Variants in FHIP1A observed in about 807,000 individuals in gnomAD.
FHIP1A encodes the protein FHF complex subunit HOOK-interacting protein 1A.
FHIP1A carries 61 observed loss-of-function variants against 88.6 expected under a neutral mutation model. That is an observed-to-expected ratio of 0.69 (90% CI 0.56 to 0.85). The LOEUF (loss-of-function observed/expected upper bound fraction) is 0.85. Among genes scored for constraint, FHIP1A ranks in the 40% least tolerant of loss-of-function variants. FHIP1A has a pLI of 0.00. For missense variants in FHIP1A, 1,154 were observed against 1,273.5 expected, an observed-to-expected ratio of 0.91 and a Z score of 1.43; for synonymous variants, 478 against 496.0, an observed-to-expected ratio of 0.96 and a Z score of 0.48.
chr4:151,587,092 A>G (rs1409261203), intron 6 of FHIP1A, among the ~76,000 whole-genome samples: 1 of 135,286 alleles, frequency 7.4e-6, no homozygotes, highest in Non-Finnish European at 1.7e-5. Flanking sequence ...GACTCATTAA[A>G]TAGATTATTT....
At chr4:151,510,530 TCTTA>T (rs1334518735) in intron 3 of FHIP1A, among the ~76,000 whole-genome samples, 1 of 152,228 alleles carries the variant, frequency 6.6e-6, no homozygotes, top group African/African-American at 2.4e-5. Flanking sequence ...AATGTTAACC[TCTTA>T]CTTAACCTGT....
chr4:151,475,994 C>T lies in FHIP1A; in HGVS notation c.-247-6530C>T, dbSNP rs1202180584. ...CTCCTGCCTTAGCCTCCTGAGTAGC[C>T]GGGACTACAGGTGCCCACCATCGCA... On this transcript the variant is annotated intron_variant, in intron 2 of 13. Coordinates refer to ENST00000435205, the MANE Select transcript of FHIP1A (RefSeq NM_001109977.3). 5.3e-5 allele frequency among the ~76,000 whole-genome samples: 8 copies of T among 149,786 alleles called. 1 individual carries two copies. The highest frequency in any genetic ancestry group is 2.0e-4 in the East Asian group (1 of 5,024).
chr4:151,496,069 G>A (rs1730449725), intron 3 of FHIP1A, among the ~76,000 whole-genome samples: 1 of 151,916 alleles, frequency 6.6e-6, no homozygotes, highest in Non-Finnish European at 1.5e-5. Context: ...TAATATTGAT[G>A]TTTTAATCAA....
rs1456672242 is a variant in FHIP1A at position 151,647,045 on chromosome 4, C to T, written c.1417+297C>T. On this transcript the variant is annotated intron_variant, in intron 10 of 13. Coordinates refer to ENST00000435205, the MANE Select transcript of FHIP1A (RefSeq NM_001109977.3). ...TGCTAGCATGTCTTCGGAAACAAGACGGGGGTGAGAGGTGTGGAGATGGCT... is the reference window on the plus strand; with the variant it reads ...TGCTAGCATGTCTTCGGAAACAAGATGGGGGTGAGAGGTGTGGAGATGGCT... Among the ~76,000 whole-genome samples, 9 of 152,058 alleles carry T rather than the reference C, an allele frequency of 5.9e-5. No homozygotes were observed. In the East Asian group the frequency reaches 1.2e-3, roughly 20 times the overall value.
At chr4:151,446,286 T>C (rs1318726501) in intron 1 of FHIP1A, among the ~76,000 whole-genome samples, 1 of 152,184 alleles carries the variant, frequency 6.6e-6, no homozygotes, top group African/African-American at 2.4e-5. Flanking sequence ...AACTTTCATT[T>C]TTAAGGATTT....
chr4:151,501,341 C>A (rs1730641853), intron 3 of FHIP1A, among the ~76,000 whole-genome samples: 1 of 152,136 alleles, frequency 6.6e-6, no homozygotes, highest in Admixed American at 6.5e-5. Flanking sequence ...GAGGAACCAC[C>A]AGACTTTTTC....
At chr4:151,520,127 G>T (rs993725610) in intron 3 of FHIP1A, among the ~76,000 whole-genome samples, 4 of 151,966 alleles carry the variant, frequency 2.6e-5, no homozygotes, top group Admixed American at 2.0e-4. Flanking sequence ...ATTGCTTTCT[G>T]TGGCCTGTTG....
chr4:151,602,540 GC>G (rs1207650126), intron 7 of FHIP1A, among the ~76,000 whole-genome samples: 2 of 152,172 alleles, frequency 1.3e-5, no homozygotes, highest in Non-Finnish European at 2.9e-5. Flanking sequence ...GTGACATTGT[GC>G]CGAACCTTGA....
intron 4 of FHIP1A, among the ~76,000 whole-genome samples, chr4:151,570,056 A>G (rs1733539890): frequency 2.0e-5 from 3 of 152,192 alleles, no homozygotes; most frequent in African/African-American, 7.2e-5. Flanking sequence ...TCTCAAACCC[A>G]GATCTGTCTG....
At chr4:151,657,678 C>T (rs1416151969) in intron 13 of FHIP1A, among the ~76,000 whole-genome samples, 1 of 152,222 alleles carries the variant, frequency 6.6e-6, no homozygotes, top group Admixed American at 6.5e-5. Flanking sequence ...TACTTTTCCA[C>T]ACACAGACCA....
intron 3 of FHIP1A, among the ~76,000 whole-genome samples, chr4:151,526,112 T>G (rs921404859): frequency 2.0e-5 from 3 of 152,218 alleles, no homozygotes; most frequent in African/African-American, 7.2e-5. Context: ...GGCAGAAGAA[T>G]TTTTCATAGT....
chr4:151,657,736 A>G (rs183815338), intron 13 of FHIP1A, among the ~76,000 whole-genome samples: 13 of 152,338 alleles, frequency 8.5e-5, no homozygotes, highest in African/African-American at 2.9e-4. Context: ...TAAGGCTCTC[A>G]GTCCTGGGCC....
chr4:151,653,155 G>T (rs572814096), intron 11 of FHIP1A, among the ~76,000 whole-genome samples: 1 of 152,234 alleles, frequency 6.6e-6, no homozygotes, highest in African/African-American at 2.4e-5. Context: ...GTACATACAG[G>T]GATGTTCATT....
chr4:151,553,486 C>CTT (rs1732824853), intron 3 of FHIP1A, among the ~76,000 whole-genome samples: 1 of 152,094 alleles, frequency 6.6e-6, no homozygotes, highest in Non-Finnish European at 1.5e-5. Context: ...AATTGAGATA[C>CTT]TTTAAGTGAT....
At chr4:151,521,611 G>A (rs1307215847) in intron 3 of FHIP1A, among the ~76,000 whole-genome samples, 4 of 152,040 alleles carry the variant, frequency 2.6e-5, no homozygotes, top group African/African-American at 4.8e-5. Context: ...TGGGTTATTC[G>A]GACTGTTATA....
At chr4:151,514,167 C>T (rs1407071461) in intron 3 of FHIP1A, among the ~76,000 whole-genome samples, 2 of 152,192 alleles carry the variant, frequency 1.3e-5, no homozygotes, top group African/African-American at 4.8e-5. Context: ...AACCAATCAA[C>T]TACATGGAAA....
intron 6 of FHIP1A, among the ~76,000 whole-genome samples, chr4:151,588,124 G>A (rs1004634236): frequency 2.0e-5 from 3 of 151,812 alleles, no homozygotes; most frequent in Non-Finnish European, 2.9e-5. Context: ...TTTTGACATC[G>A]AAACCATATA....
In FHIP1A at chr4:151,656,852, C is replaced by G. The variant is rs1737262214; in HGVS notation, c.2823C>G (p.Leu941=). 6.4e-7 allele frequency: 1 copy of G among 1,551,604 alleles called. No individual in the cohort carries two copies. Among genetic ancestry groups the G allele is most frequent in the Non-Finnish European group, 8.7e-7 (1 of 1,146,898 alleles). ...GLLIQAQQYL[L]FRVDMSDMTP... ...TCATTCAAGCTCAGCAGTACCTGCT[C>G]TTCCGTGTGGACATGTCTGATATGA... is the stretch of plus-strand genomic sequence containing the variant. Residue 941 remains leucine, a synonymous_variant, in exon 13 of 14, where the codon CTC becomes CTG. Transcript: ENST00000435205. The surrounding 1 kb of genome is among the most constrained non-coding windows in gnomAD (Gnocchi z 4.2).
At chr4:151,464,791 C>G (rs1729252357) in intron 2 of FHIP1A, among the ~76,000 whole-genome samples, 1 of 152,102 alleles carries the variant, frequency 6.6e-6, no homozygotes, top group Non-Finnish European at 1.5e-5. Context: ...AGTATGGCAT[C>G]TGGATAGCAC....
Sources: allele counts gnomAD v4.1 joint callset (sites outside exome capture counted in the v4.1 genomes callset), GRCh38; gene constraint gnomAD v4.1.1; non-coding constraint Gnocchi (gnomAD v3.1); transcripts MANE v1.5; gene names NCBI Gene and HGNC (gene_info 2026-07-23, HGNC 2026-07-21).